The following C1orf116 variants were observed in gnomAD, a reference collection of about 807,000 sequenced individuals.
The protein encoded by C1orf116 is chromosome 1 open reading frame 116.
A neutral mutation model predicts 14.1 loss-of-function variants in C1orf116; 12 were observed. That is an observed-to-expected ratio of 0.85 (90% CI 0.54 to 1.38). The LOEUF is 1.38. Among genes scored for constraint, C1orf116 ranks in the 40% most tolerant of loss-of-function variants. C1orf116 has a pLI of 0.00. For synonymous variants in C1orf116, 296 were observed against 299.0 expected (o/e 0.99, Z 0.10); for missense variants, 797 against 747.0 (o/e 1.07, Z -0.78).
At chr1:207,025,901 A>G (rs1164771099) in intron 2 of C1orf116, among the ~76,000 whole-genome samples, 1 of 152,236 alleles carries the variant, frequency 6.6e-6, no homozygotes, top group Non-Finnish European at 1.5e-5. Flanking sequence ...TCATTATGAG[A>G]GAGTACATAG....
In C1orf116 at chr1:207,022,910, T is replaced by C; in HGVS notation, c.854A>G (p.Asp285Gly). The change falls in exon 4 of 4, where the codon GAC (aspartate) becomes GGC (glycine). Residue 285 changes from aspartate to glycine, a missense_variant. Coordinates refer to ENST00000359470, the MANE Select transcript of C1orf116 (RefSeq NM_023938.6). ...GAGGGGAGCTAGTCGGCTGTTTGGG[T>C]CCTCCCCTGATGAGAGGGGAGCATC... ...AEDAPLSSGE[D>G]PNSRLAPLTT... 6.2e-7 allele frequency: 1 copy of C among 1,614,048 alleles called. No homozygotes were observed.
chr1:207,025,152 A>G, intron 2 of C1orf116, 88 bp from the exon 3 acceptor site: 1 of 1,036,448 alleles, frequency 9.6e-7, no homozygotes, highest in Non-Finnish European at 1.4e-6. Context: ...GCTGTGAGAA[A>G]GCGCTCCCTC....
chr1:207,023,548 G>A, intron 3 of C1orf116, 68 bp from the exon 4 acceptor site: 1 of 1,504,322 alleles, frequency 6.6e-7, no homozygotes, highest in African/African-American at 1.4e-5. Context: ...GGGCCCTGCT[G>A]CAGAGGGGAA....
At chr1:207,025,662 G>A (rs1682054731) in intron 2 of C1orf116, among the ~76,000 whole-genome samples, 1 of 152,170 alleles carries the variant, frequency 6.6e-6, no homozygotes, top group African/African-American at 2.4e-5. Context: ...ACAGATAAAT[G>A]TACTAAATGA....
In C1orf116 at chr1:207,023,463, T is replaced by C. The variant is rs771577563; in HGVS notation, c.301A>G (p.Ile101Val). 1 of 1,611,858 alleles carries C rather than the reference T, an allele frequency of 6.2e-7. No homozygotes were observed. The highest frequency in any genetic ancestry group is 1.1e-5 in the South Asian group (1 of 90,800). ...PTPRGGPEET[I>V]TQQGRTPRTV... The stretch of plus-strand genomic sequence containing the variant: ...CTTGGCGTTCGTCCTTGCTGAGTGA[T>C]GGTCTCCTCTGGACCTCCTGTGAGG... Residue 101 changes from isoleucine to valine, a missense_variant, in exon 4 of 4, where the codon ATC becomes GTC. Coordinates refer to ENST00000359470, the MANE Select transcript of C1orf116 (RefSeq NM_023938.6).
In C1orf116 at chr1:207,020,895, G is replaced by A. The variant is rs1316312144; in HGVS notation, c.*1063C>T. ...TCCCTAAATGGCAGGCTGACCCGGG[G>A]TTAGTCACTTCCCTTCCCCAGCAGC... On this transcript the variant is annotated 3_prime_UTR_variant, in exon 4 of 4. Transcript: ENST00000359470. The A allele has an allele frequency of 6.6e-6, 1 of 152,186 alleles. No individual in the cohort carries two copies. Among genetic ancestry groups the A allele is most frequent in the Non-Finnish European group, 1.5e-5 (1 of 68,028 alleles). 9.4% of individuals were successfully genotyped at this position (152,186 alleles called of 1,614,324 possible).
intron 1 of C1orf116, 44 bp from the exon 2 acceptor site, chr1:207,027,723 G>T: frequency 6.8e-7 from 1 of 1,476,304 alleles, no homozygotes; most frequent in African/African-American, 1.4e-5. Context: ...CGAGGCTTCG[G>T]CAAGGCTCTG....
Position 207,022,689 on chromosome 1 carries a change from C to T in C1orf116, c.1075G>A (p.Asp359Asn), listed in dbSNP as rs774727060. ...EALEKLGLPQ[D>N]QDEPGLHLSK... The stretch of plus-strand genomic sequence containing the variant: ...AAGTGGAGTCCAGGCTCATCTTGAT[C>T]CTGGGGTAGCCCCAGCTTCTCTAGA... Residue 359 changes from aspartate to asparagine, a missense_variant, in exon 4 of 4, where the codon GAT becomes AAT. By Grantham distance (23) the Asp-to-Asn change is conservative. Transcript: ENST00000359470. 8.1e-6 allele frequency: 13 copies of T among 1,613,950 alleles called. No homozygotes were observed. The highest frequency in any genetic ancestry group is 1.3e-5 in the African/African-American group (1 of 74,926).
Position 207,019,903 on chromosome 1 carries a change from C to A in C1orf116, c.*2055G>T, listed in dbSNP as rs1381164738. 2 of 152,154 alleles carry A rather than the reference C, an allele frequency of 1.3e-5. No homozygotes were observed. Among genetic ancestry groups the A allele is most frequent in the Non-Finnish European group, 2.9e-5 (2 of 68,028 alleles). 9.4% of individuals were successfully genotyped at this position (152,154 alleles called of 1,614,324 possible). A position where few individuals can be genotyped will look rare whatever the true frequency, so the allele number is the denominator to read the frequency against. ...CTGTACTCCTGATGACCTTGACCAT[C>A]CTAATCACACTTGTGTGATGCCAGG... On this transcript the variant is annotated 3_prime_UTR_variant, in exon 4 of 4. Coordinates refer to ENST00000359470, the MANE Select transcript of C1orf116 (RefSeq NM_023938.6).
Position 207,023,100 on chromosome 1 carries a change from C to T in C1orf116, c.664G>A (p.Gly222Arg). The T allele has an allele frequency of 6.2e-7, 1 of 1,612,050 alleles. No individual in the cohort carries two copies. The highest frequency in any genetic ancestry group is 8.5e-7 in the Non-Finnish European group (1 of 1,179,714). ...AGCTGGGGTGTGTGGCCCTGCTGTC[C>T]TGGCCCCTCGGGCAGGCTGGCTTCC... ...CREASLPEGP[G>R]QQGHTPQLHT... The change falls in exon 4 of 4, where the codon GGA becomes AGA. Residue 222 changes from glycine to arginine, a missense_variant. Transcript: ENST00000359470.
intron 3 of C1orf116, 118 bp downstream of exon 3, chr1:207,024,769 A>G: frequency 1.6e-6 from 2 of 1,281,772 alleles, no homozygotes; most frequent in Non-Finnish European, 2.2e-6. Context: ...GAGTGTGGCT[A>G]CACCTTCTTC....
rs944435498 is a variant in C1orf116 at position 207,023,428 on chromosome 1, A to T, written c.336T>A (p.Thr112=). 1.2e-6 allele frequency: 2 copies of T among 1,613,722 alleles called. No individual in the cohort carries two copies. The highest frequency in any genetic ancestry group is 3.3e-5 in the Admixed American group (2 of 60,006). Residue 112 remains threonine, a synonymous_variant, in exon 4 of 4, where the codon ACT becomes ACA. Coordinates refer to ENST00000359470, the MANE Select transcript of C1orf116 (RefSeq NM_023938.6). ...CAGGAGGGTGGGATGAGCTGGACTC[A>T]GTTACTGTCCTTGGCGTTCGTCCTT... ...TQQGRTPRTV[T]ESSSSHPPEP... is the part of the protein sequence containing the mutation.
chr1:207,021,098 C>G lies in C1orf116; in HGVS notation c.*860G>C, dbSNP rs1262614564. 6.6e-6 allele frequency: 1 copy of G among 152,460 alleles called. No individual in the cohort carries two copies. The allele number at this position is 152,460 out of a possible 1,614,324, so 9.4% of individuals were successfully genotyped here. On this transcript the variant is annotated 3_prime_UTR_variant, in exon 4 of 4. Coordinates refer to ENST00000359470, the MANE Select transcript of C1orf116 (RefSeq NM_023938.6). ...GTTTATAAAGCCCGTGGGCTGGGCTCCCATCTTGATGTCAGCCCAGCCCTG... is the reference window on the plus strand; with the variant it reads ...GTTTATAAAGCCCGTGGGCTGGGCTGCCATCTTGATGTCAGCCCAGCCCTG...
rs538356265 is a variant in C1orf116 at position 207,022,258 on chromosome 1, G to A, written c.1506C>T (p.Ser502=). ...SSYLSTEKDA[S]PKTSTSLGKG... ...TTCCCAGAGAAGTGCTGGTTTTGGG[G>A]CTGGCATCTTTCTCAGTTGAAAGGT... Residue 502 remains serine, a synonymous_variant, in exon 4 of 4, where the codon AGC becomes AGT. Transcript: ENST00000359470. 392 of 1,613,800 alleles carry A rather than the reference G, an allele frequency of 2.4e-4. 4 individuals are homozygous for A. The South Asian group carries it at 2.9e-3, about 12-fold the overall frequency.
intron 3 of C1orf116, 54 bp from the exon 4 acceptor site, chr1:207,023,534 G>A (rs1043154266): frequency 3.3e-6 from 5 of 1,523,762 alleles, no homozygotes; most frequent in African/African-American, 1.4e-5. Flanking sequence ...GTGGACAGAG[G>A]TGAGGGCCCT....
chr1:207,022,690 C>G lies in C1orf116; in HGVS notation c.1074G>C (p.Gln358His), dbSNP rs761385462. The part of the protein sequence containing the change: ...KEALEKLGLP[Q>H]DQDEPGLHLS... ...AGTGGAGTCCAGGCTCATCTTGATCCTGGGGTAGCCCCAGCTTCTCTAGAG... is the reference window on the plus strand; with the variant it reads ...AGTGGAGTCCAGGCTCATCTTGATCGTGGGGTAGCCCCAGCTTCTCTAGAG... Residue 358 changes from glutamine (Q) to histidine (H), a missense_variant, in exon 4 of 4, where the codon CAG becomes CAC. By Grantham distance (24) the Gln-to-His change is conservative. Coordinates refer to ENST00000359470, the MANE Select transcript of C1orf116 (RefSeq NM_023938.6). 3 of 1,614,108 alleles carry G rather than the reference C, an allele frequency of 1.9e-6. No homozygotes were observed. Among genetic ancestry groups the G allele is most frequent in the South Asian group, 2.2e-5 (2 of 91,074 alleles).
At chr1:207,029,470 G>A (rs1297163783) in intron 1 of C1orf116, among the ~76,000 whole-genome samples, 1 of 152,120 alleles carries the variant, frequency 6.6e-6, no homozygotes, top group East Asian at 1.9e-4. Flanking sequence ...CCCAAGTTCA[G>A]GGAGGACTAA....
In C1orf116 at chr1:207,021,992, T is replaced by A. The variant is rs1681872381; in HGVS notation, c.1772A>T (p.Glu591Val). ...CAACAGTCCCAGCTTCTTCAGGGCC[T>A]CCCTTCTGTGTTCATTGGGGACACC... Reference protein sequence around the residue: ...PKGVPNEHRREALKKLGLLKE With the variant: ...PKGVPNEHRRVALKKLGLLKE The change falls in exon 4 of 4, where the codon GAG becomes GTG. Residue 591 changes from glutamate to valine, a missense_variant. Glu to Val is a moderately radical substitution (Grantham distance 121, BLOSUM62 -2). Coordinates refer to ENST00000359470, the MANE Select transcript of C1orf116 (RefSeq NM_023938.6). 12 of 1,541,098 alleles carry A rather than the reference T, an allele frequency of 7.8e-6. No individual in the cohort carries two copies. The highest frequency in any genetic ancestry group is 9.6e-6 in the Non-Finnish European group (11 of 1,147,534).
Position 207,020,395 on chromosome 1 carries a change from C to T in C1orf116, c.*1563G>A, listed in dbSNP as rs1056986804. The T allele has an allele frequency of 6.6e-6, 1 of 152,248 alleles. No homozygotes were observed. Among genetic ancestry groups the T allele is most frequent in the African/African-American group, 2.4e-5 (1 of 41,444 alleles). The allele number at this position is 152,248 out of a possible 1,614,324, so 9.4% of individuals were successfully genotyped here. A position where few individuals can be genotyped will look rare whatever the true frequency, so the allele number is the denominator to read the frequency against. ...AGAAATTCTCAGCAGCCTTAAAAGG[C>T]ACCTTTCCAGCAACATTCCCTTCAT... On this transcript the variant is annotated 3_prime_UTR_variant, in exon 4 of 4. Transcript: ENST00000359470.
Sources: gnomAD v4.1 joint callset for allele counts (sites outside exome capture counted in the v4.1 genomes callset) on GRCh38, gnomAD v4.1.1 for gene constraint, MANE v1.5 for transcripts, NCBI Gene and HGNC (gene_info 2026-07-23, HGNC 2026-07-21) for gene names.